The following FGR variants were observed in gnomAD, a reference collection of about 807,000 sequenced individuals.
FGR encodes tyrosine-protein kinase Fgr.
A neutral mutation model predicts 63.2 loss-of-function variants in FGR; 26 were observed. The ratio of observed to expected loss-of-function variants is 0.41; its 90% CI spans 0.30 to 0.57. The LOEUF is 0.57. Ranked by LOEUF, FGR falls within the 20% of genes least tolerant of loss-of-function variation. FGR has a pLI of 0.27. For missense variants in FGR, 511 were observed against 690.8 expected, an observed-to-expected ratio of 0.74 and a Z score of 2.92; for synonymous variants, 286 against 277.7, an observed-to-expected ratio of 1.03 and a Z score of -0.30.
rs902839203 is a variant in FGR at position 27,614,334 on chromosome 1, C to T, written c.1249+96G>A. 2.9e-6 allele frequency: 4 copies of T among 1,382,556 alleles called. No individual in the cohort carries two copies. In the African/African-American group the frequency reaches 4.3e-5, roughly 15 times the overall value. 85.6% of individuals were successfully genotyped at this position (1,382,556 alleles called of 1,614,324 possible). On this transcript the variant is annotated intron_variant, in intron 11 of 12. Coordinates refer to ENST00000374005, the MANE Select transcript of FGR (RefSeq NM_005248.3). ...CTACATCAGGATGGGGCGACTCGGG[C>T]GACCTGGAGTGAGGAAGGGTTCCTG...
intron 5 of FGR, 135 bp downstream of exon 5, chr1:27,621,424 T>TCA: frequency 1.6e-6 from 1 of 643,614 alleles, no homozygotes; most frequent in Non-Finnish European, 2.9e-6. Context: ...TCTTTTGTTC[T>TCA]CACAATGACC....
At chr1:27,627,392 C>T (rs1319954274) in intron 1 of FGR, among the ~76,000 whole-genome samples, 1 of 151,890 alleles carries the variant, frequency 6.6e-6, no homozygotes, top group Non-Finnish European at 1.5e-5. Flanking sequence ...ACACACACCC[C>T]ATATACACAC....
intron 11 of FGR, among the ~76,000 whole-genome samples, chr1:27,613,834 G>T (rs1033116918): frequency 6.6e-6 from 1 of 152,076 alleles, no homozygotes; most frequent in Non-Finnish European, 1.5e-5. Context: ...TATGTGTCTA[G>T]TATAGTGATG....
chr1:27,614,418 G>A lies in FGR; in HGVS notation c.1249+12C>T. 6.2e-7 allele frequency: 1 copy of A among 1,607,864 alleles called. No homozygotes were observed. Among genetic ancestry groups the A allele is most frequent in the Non-Finnish European group, 8.5e-7 (1 of 1,175,810 alleles). ...ATGGGGAGCTCTTGGAAGGTGGGGT[G>A]AAGCAGGGCACCTTGGCAGGGGTTG... On this transcript the variant is annotated intron_variant, in intron 11 of 12. Coordinates refer to ENST00000374005, the MANE Select transcript of FGR (RefSeq NM_005248.3).
Position 27,615,778 on chromosome 1 carries a change from C to T in FGR, c.749G>A (p.Gly250Asp). Reference protein sequence around the residue: ...PCTIMKPQTLGLAKDAWEISR... With the variant: ...PCTIMKPQTLDLAKDAWEISR... Reference sequence around the variant, plus strand: ...GATCTCCCAGGCGTCCTTGGCCAGGCCCAGCGTCTGCGGCTTCATGATGGT... The same window carrying T: ...GATCTCCCAGGCGTCCTTGGCCAGGTCCAGCGTCTGCGGCTTCATGATGGT... Residue 250 changes from glycine to aspartate, a missense_variant, in exon 8 of 13, where the codon GGC becomes GAC. Transcript: ENST00000374005. This position sits in a 1 kb window ranked among gnomAD's most constrained non-coding sequence, Gnocchi z 7.6. 2 of 1,603,038 alleles carry T rather than the reference C, an allele frequency of 1.2e-6. No homozygotes were observed. The highest frequency in any genetic ancestry group is 8.5e-7 in the Non-Finnish European group (1 of 1,174,962).
Position 27,613,209 on chromosome 1 carries a change from C to G in FGR, c.1381+10G>C, listed in dbSNP as rs773022417. On this transcript the variant is annotated intron_variant, in intron 12 of 12. Coordinates refer to ENST00000374005, the MANE Select transcript of FGR (RefSeq NM_005248.3). ...TCCCCCACCCCAGCCCTACCCCTGGCGAGGCAAACCTGGGTAGGGGATTCG... is the reference window on the plus strand; with the variant it reads ...TCCCCCACCCCAGCCCTACCCCTGGGGAGGCAAACCTGGGTAGGGGATTCG... The G allele has an allele frequency of 3.1e-6, 5 of 1,612,150 alleles. No homozygotes were observed. The highest frequency in any genetic ancestry group is 3.4e-6 in the Non-Finnish European group (4 of 1,178,474).
rs2089784481 is a variant in FGR at position 27,615,312 on chromosome 1, C to T, written c.1018+122G>A. On this transcript the variant is annotated intron_variant, in intron 9 of 12. Coordinates refer to ENST00000374005, the MANE Select transcript of FGR (RefSeq NM_005248.3). The surrounding 1 kb of genome is among the most constrained non-coding windows in gnomAD (Gnocchi z 7.6). ...CCTCCAGTCGTTTTACACACCTGGT[C>T]CCTTAGTGGGACTCTGCCCATTGTC... 7.7e-6 allele frequency: 9 copies of T among 1,161,706 alleles called. No individual in the cohort carries two copies. Among genetic ancestry groups the T allele is most frequent in the Non-Finnish European group, 1.1e-5 (9 of 811,536 alleles). The allele number at this position is 1,161,706 out of a possible 1,614,324, so 72.0% of individuals were successfully genotyped here.
intron 11 of FGR, among the ~76,000 whole-genome samples, chr1:27,613,583 A>C (rs1260786519): frequency 6.6e-6 from 1 of 151,696 alleles, no homozygotes. Context: ...GGTGCCTGTA[A>C]TCCCAGCTAC....
intron 3 of FGR, 95 bp from the exon 4 acceptor site, chr1:27,623,239 C>G: frequency 1.2e-6 from 1 of 840,804 alleles, no homozygotes. Flanking sequence ...AGGTGCTGCA[C>G]CTCCCCACTC....
rs766916966 is a variant in FGR, at chr1:27,623,151, A to G, written c.227-7T>C. On this transcript the variant is annotated splice_region_variant and splice_polypyrimidine_tract_variant and intron_variant, in intron 3 of 12. Coordinates refer to ENST00000374005, the MANE Select transcript of FGR (RefSeq NM_005248.3). ...AACAGGGTCACCCCAATCCCTGCAG[A>G]GTCAGGGCTACTCAGCAGGGTAGGG... 1 of 1,606,410 alleles carries G rather than the reference A, an allele frequency of 6.2e-7. No individual in the cohort carries two copies. Among genetic ancestry groups the G allele is most frequent in the Admixed American group, 1.7e-5 (1 of 59,998 alleles).
chr1:27,625,320 C>T (rs186850649), intron 1 of FGR, among the ~76,000 whole-genome samples, 169 bp from the exon 2 acceptor site: 2 of 152,286 alleles, frequency 1.3e-5, no homozygotes, highest in Admixed American at 6.5e-5. Context: ...ACACAACCCC[C>T]GTCACATAGG....
chr1:27,627,600 A>G (rs1326489889), intron 1 of FGR, among the ~76,000 whole-genome samples: 1 of 152,008 alleles, frequency 6.6e-6, no homozygotes, highest in Non-Finnish European at 1.5e-5. Flanking sequence ...TTTAAGTAGT[A>G]TTATTATTAT....
rs1459506091 is a variant in FGR at position 27,615,817 on chromosome 1, A to C, written c.710T>G (p.Leu237Arg). 1 of 1,597,104 alleles carries C rather than the reference A, an allele frequency of 6.3e-7. No homozygotes were observed. Among genetic ancestry groups the C allele is most frequent in the Admixed American group, 1.7e-5 (1 of 57,778 alleles). The change falls in exon 8 of 13, where the codon CTC becomes CGC. Residue 237 changes from leucine to arginine, a missense_variant. Physicochemically the swap from Leu to Arg is moderately radical, Grantham distance 102 (BLOSUM62 -2). Coordinates refer to ENST00000374005, the MANE Select transcript of FGR (RefSeq NM_005248.3). The surrounding 1 kb of genome is among the most constrained non-coding windows in gnomAD (Gnocchi z 7.6). ...CTTCATGATGGTGCAGGGCGCGATG[A>C]GCAGGTTGCACAGCCCGTCATTCAC... ...MEVNDGLCNL[L>R]IAPCTIMKPQ... is the part of the protein sequence containing the mutation.
rs762460007 is a variant in FGR at position 27,613,010 on chromosome 1, G to C, written c.1494C>G (p.Asp498Glu). 1 of 1,614,208 alleles carries C rather than the reference G, an allele frequency of 6.2e-7. No individual in the cohort carries two copies. Among genetic ancestry groups the C allele is most frequent in the Admixed American group, 1.7e-5 (1 of 60,028 alleles). The stretch of plus-strand genomic sequence containing the variant: ...ACTCGAAGGTAGGCCTCTCCTCCGG[G>C]TCCAGACGCCAGGTCTGTTCCATGG... ...YEAMEQTWRL[D>E]PEERPTFEYL... Residue 498 changes from aspartate to glutamate, a missense_variant, in exon 13 of 13, where the codon GAC becomes GAG. Transcript: ENST00000374005.
At chr1:27,626,818 G>C (rs1444075656) in intron 1 of FGR, among the ~76,000 whole-genome samples, 1 of 152,184 alleles carries the variant, frequency 6.6e-6, no homozygotes, top group South Asian at 2.1e-4. Flanking sequence ...AGCCATCCAG[G>C]GCCCAGCGGG....
chr1:27,632,429 T>G (rs2090119224), intron 1 of FGR, among the ~76,000 whole-genome samples: 1 of 152,104 alleles, frequency 6.6e-6, no homozygotes, highest in Non-Finnish European at 1.5e-5. Context: ...TGAGCCACCG[T>G]GCCCTGCCTT....
At chr1:27,621,721 G>T in intron 4 of FGR, 64 bp from the exon 5 acceptor site, 2 of 1,177,780 alleles carry the variant, frequency 1.7e-6, no homozygotes, top group Non-Finnish European at 1.3e-6. Context: ...CTGAGGCCAG[G>T]TGGAGCCACA....
At chr1:27,634,477 C>A (rs943532988) in intron 1 of FGR, among the ~76,000 whole-genome samples, 2 of 152,188 alleles carry the variant, frequency 1.3e-5, no homozygotes, top group African/African-American at 4.8e-5. Flanking sequence ...CGTTACCCTG[C>A]GGGCTGTGGG....
chr1:27,626,301 G>C (rs1199259019), intron 1 of FGR: 2 of 398,026 alleles, frequency 5.0e-6, no homozygotes, highest in Admixed American at 8.8e-5. Context: ...GTTTAGGGTG[G>C]GGCCAACCTT....
Sources: gnomAD v4.1 joint callset for allele counts (sites outside exome capture counted in the v4.1 genomes callset) on GRCh38, gnomAD v4.1.1 for gene constraint, Gnocchi (gnomAD v3.1) non-coding constraint, MANE v1.5 for transcripts, NCBI Gene and HGNC (gene_info 2026-07-23, HGNC 2026-07-21) for gene names.